Variants in NELL1 observed in about 807,000 individuals in gnomAD.
NELL1 encodes protein kinase C-binding protein NELL1.
Under a neutral mutation model 107.4 loss-of-function variants are expected in NELL1, and 76 were observed. The ratio of observed to expected loss-of-function variants is 0.71; its 90% CI spans 0.59 to 0.86. The LOEUF (loss-of-function observed/expected upper bound fraction) is 0.86. Ranked by LOEUF, NELL1 falls within the 40% of genes least tolerant of loss-of-function variation. The pLI is 0.00. For missense variants in NELL1, 1,024 were observed against 1,005.5 expected (o/e 1.02, Z -0.25); for synonymous variants, 353 against 341.2 (o/e 1.03, Z -0.38).
intron 12 of NELL1, among the ~76,000 whole-genome samples, chr11:21,026,517 C>G (rs1440020775): frequency 6.6e-6 from 1 of 152,082 alleles, no homozygotes; most frequent in Admixed American, 6.6e-5. Flanking sequence ...ATAGTCTCCA[C>G]AGCAATCATC....
At chr11:20,955,623 A>G (rs1249008583) in intron 11 of NELL1, among the ~76,000 whole-genome samples, 9 of 152,326 alleles carry the variant, frequency 5.9e-5, no homozygotes, top group African/African-American at 1.7e-4. Context: ...TTTAACAGGT[A>G]TAAGGAACTG....
chr11:20,986,877 A>G (rs11025864), intron 12 of NELL1, among the ~76,000 whole-genome samples: 13,712 of 152,268 alleles, frequency 0.09, 727 homozygotes, highest in Middle Eastern at 0.27. Context: ...CCCTACGTCA[A>G]TTTTATAATC....
At chr11:21,543,542 C>T (rs1401998414) in intron 16 of NELL1, among the ~76,000 whole-genome samples, 1 of 152,072 alleles carries the variant, frequency 6.6e-6, no homozygotes, top group South Asian at 2.1e-4. Context: ...TTTGCAACAT[C>T]TAATAGAAAA....
Position 21,311,239 on chromosome 11 carries a change from A to G in NELL1, c.1550-59614A>G, listed in dbSNP as rs1398606127. 1.1e-4 allele frequency among the ~76,000 whole-genome samples: 17 copies of G among 152,320 alleles called. 1 individual carries two copies. The Middle Eastern group carries it at 0.024, about 213-fold the overall frequency. On this transcript the variant is annotated intron_variant, in intron 14 of 19. Transcript: ENST00000357134. ...ATTTTTGTAAACTAAATGTTATAAA[A>G]TTATATTAGAACAGAAAGACAGCAT...
At chr11:20,715,039 C>G (rs956694165) in intron 2 of NELL1, among the ~76,000 whole-genome samples, 5 of 151,876 alleles carry the variant, frequency 3.3e-5, no homozygotes, top group East Asian at 3.9e-4. Flanking sequence ...GTCAGGAGAT[C>G]GAGACCATCC....
intron 13 of NELL1, among the ~76,000 whole-genome samples, chr11:21,127,935 T>A (rs1240406050): frequency 2.0e-5 from 3 of 152,180 alleles, no homozygotes; most frequent in Non-Finnish European, 4.4e-5. Flanking sequence ...CCTCTCTGTC[T>A]TCATTTGTTT....
At chr11:21,304,136 T>G (rs7946727) in intron 14 of NELL1, among the ~76,000 whole-genome samples, 8,384 of 152,096 alleles carry the variant, frequency 0.055, 305 homozygotes, top group African/African-American at 0.1. Context: ...AATTTTAATT[T>G]CTAAGCAGAA....
At chr11:21,551,352 G>A (rs1187599130) in intron 16 of NELL1, among the ~76,000 whole-genome samples, 2 of 151,914 alleles carry the variant, frequency 1.3e-5, no homozygotes, top group African/African-American at 4.8e-5. Flanking sequence ...CTGCCTAATT[G>A]CCTTGGCCAG....
intron 12 of NELL1, among the ~76,000 whole-genome samples, chr11:21,005,005 A>G (rs1281103019): frequency 6.6e-6 from 1 of 152,166 alleles, no homozygotes; most frequent in African/African-American, 2.4e-5. Flanking sequence ...CATCCATCCA[A>G]AAACCATTTA....
chr11:20,758,940 C>T (rs2133955084), intron 2 of NELL1, among the ~76,000 whole-genome samples: 1 of 152,152 alleles, frequency 6.6e-6, no homozygotes, highest in Non-Finnish European at 1.5e-5. Context: ...GTGGAAGTAC[C>T]TAAGGTTGGG....
intron 2 of NELL1, among the ~76,000 whole-genome samples, chr11:20,709,085 T>C (rs1855047088): frequency 6.6e-6 from 1 of 152,176 alleles, no homozygotes; most frequent in Non-Finnish European, 1.5e-5. Flanking sequence ...CACCTGCTGC[T>C]GTGTGGCCCG....
chr11:21,310,166 C>T (rs1315665053), intron 14 of NELL1, among the ~76,000 whole-genome samples: 1 of 152,024 alleles, frequency 6.6e-6, no homozygotes, highest in African/African-American at 2.4e-5. Context: ...TAACTATTTA[C>T]TTGTTAAGCC....
At chr11:20,766,626 A>G (rs1037750524) in intron 2 of NELL1, among the ~76,000 whole-genome samples, 2 of 152,156 alleles carry the variant, frequency 1.3e-5, no homozygotes, top group Admixed American at 6.5e-5. Context: ...TCTTTTGTCA[A>G]CATGTACTTT....
At chr11:21,094,070 C>A (rs998180585) in intron 12 of NELL1, among the ~76,000 whole-genome samples, 3 of 152,144 alleles carry the variant, frequency 2.0e-5, no homozygotes, top group African/African-American at 7.2e-5. Context: ...TCTGTAAAAT[C>A]AAAAGCAGGT....
chr11:20,996,405 C>G (rs1055335045), intron 12 of NELL1, among the ~76,000 whole-genome samples: 1 of 152,176 alleles, frequency 6.6e-6, no homozygotes, highest in African/African-American at 2.4e-5. Context: ...ATGATGAGTG[C>G]TGCCAGGAAG....
At chr11:21,367,411 G>GATTCTAAGTTGC (rs1352984014) in intron 14 of NELL1, among the ~76,000 whole-genome samples, 1 of 151,582 alleles carries the variant, frequency 6.6e-6, no homozygotes, top group Non-Finnish European at 1.5e-5. Context: ...AAGGAGCTAT[G>GATTCTAAGTTGC]ATTCTAAGTT....
At chr11:20,706,356 A>T (rs59566085) in intron 2 of NELL1, among the ~76,000 whole-genome samples, 2 of 152,074 alleles carry the variant, frequency 1.3e-5, no homozygotes, top group African/African-American at 4.8e-5. Flanking sequence ...TGATGAGTTC[A>T]TGTCCTTTGT....
At chr11:21,082,619 A>G (rs189574216) in intron 12 of NELL1, among the ~76,000 whole-genome samples, 1 of 152,240 alleles carries the variant, frequency 6.6e-6, no homozygotes, top group Admixed American at 6.5e-5. Flanking sequence ...CAAAGGCCAG[A>G]TCTTGCTCTA....
At chr11:21,269,550 T>C (rs919146444) in intron 14 of NELL1, among the ~76,000 whole-genome samples, 6 of 151,956 alleles carry the variant, frequency 3.9e-5, no homozygotes, top group Admixed American at 6.6e-5. Flanking sequence ...TATGTAAGTG[T>C]TGAGGGAAAA....
Sources: gnomAD v4.1 joint callset for allele counts (sites outside exome capture counted in the v4.1 genomes callset) on GRCh38, gnomAD v4.1.1 for gene constraint, MANE v1.5 for transcripts, NCBI Gene and HGNC (gene_info 2026-07-23, HGNC 2026-07-21) for gene names.